The following IMMP2L variants were observed in gnomAD, a reference collection of about 807,000 sequenced individuals.
The protein encoded by IMMP2L is mitochondrial inner membrane protease subunit 2.
IMMP2L carries 18 observed loss-of-function variants against 19.3 expected under a neutral mutation model. The observed-to-expected ratio is 0.93, with a 90% CI of 0.64 to 1.38. The LOEUF (loss-of-function observed/expected upper bound fraction) is 1.38. Ranked by LOEUF, IMMP2L falls within the 40% of genes most tolerant of loss-of-function variation. The pLI is 0.00. For synonymous variants in IMMP2L, 76 were observed against 73.0 expected (o/e 1.04, Z -0.21); for missense variants, 233 against 218.2 (o/e 1.07, Z -0.43).
At position 111,513,756 on chromosome 7, in the gene IMMP2L, G is replaced by A. The variant is rs185066150; in HGVS notation, c.135+7557C>T. On this transcript the variant is annotated intron_variant, in intron 2 of 5. Transcript: ENST00000405709. The stretch of plus-strand genomic sequence containing the variant: ...AGAAAGTGTAGTCAGTGTGGGTGTG[G>A]GTTTCTGTATATATATGAGTGCGTG... 4.5e-3 allele frequency among the ~76,000 whole-genome samples: 678 copies of A among 152,002 alleles called. 5 individuals are homozygous for A. The highest frequency in any genetic ancestry group is 0.016 in the African/African-American group (657 of 41,472).
chr7:111,090,260 A>G (rs1195649987), intron 3 of IMMP2L, among the ~76,000 whole-genome samples: 2 of 152,212 alleles, frequency 1.3e-5, no homozygotes, highest in Non-Finnish European at 1.5e-5. Context: ...TGTATGGCTT[A>G]TATAGTATAT....
chr7:111,467,793 A>G (rs1458803429), intron 3 of IMMP2L, among the ~76,000 whole-genome samples: 1 of 152,152 alleles, frequency 6.6e-6, no homozygotes, highest in East Asian at 1.9e-4. Flanking sequence ...AGAAGCAAAA[A>G]TCACTTTCTC....
At chr7:110,978,232 G>A (rs780263004) in intron 3 of IMMP2L, among the ~76,000 whole-genome samples, 2 of 151,978 alleles carry the variant, frequency 1.3e-5, no homozygotes, top group Non-Finnish European at 2.9e-5. Context: ...TTTTTAGGAT[G>A]ATGGACTGTG....
chr7:110,936,873 A>T (rs1403276321), intron 4 of IMMP2L, among the ~76,000 whole-genome samples: 1 of 152,210 alleles, frequency 6.6e-6, no homozygotes, highest in Non-Finnish European at 1.5e-5. Flanking sequence ...GCAGCCATGA[A>T]AAACATGATT....
intron 3 of IMMP2L, among the ~76,000 whole-genome samples, chr7:111,437,603 G>T (rs1442581882): frequency 6.6e-6 from 1 of 151,766 alleles, no homozygotes; most frequent in Non-Finnish European, 1.5e-5. Flanking sequence ...ATTTATAAAA[G>T]ATTTTATTTT....
At chr7:111,135,334 T>A (rs1802230534) in intron 3 of IMMP2L, among the ~76,000 whole-genome samples, 1 of 152,146 alleles carries the variant, frequency 6.6e-6, no homozygotes, top group Admixed American at 6.5e-5. Context: ...TTATCCATGC[T>A]AACCTACCTT....
At chr7:111,369,115 T>A (rs1399320649) in intron 3 of IMMP2L, among the ~76,000 whole-genome samples, 1 of 151,732 alleles carries the variant, frequency 6.6e-6, no homozygotes, top group Non-Finnish European at 1.5e-5. Context: ...TTCATAGAAA[T>A]AAAATGTTAC....
chr7:110,751,245 T>C (rs1330804775), intron 5 of IMMP2L, among the ~76,000 whole-genome samples: 2 of 151,808 alleles, frequency 1.3e-5, no homozygotes, highest in Admixed American at 1.3e-4. Context: ...CATTAGTATT[T>C]ACAAAGCAAA....
intron 3 of IMMP2L, among the ~76,000 whole-genome samples, chr7:111,067,451 C>A (rs1794608177): frequency 6.6e-6 from 1 of 152,192 alleles, no homozygotes. Context: ...GAGGGAGAAC[C>A]TAGCATTTAC....
chr7:111,124,199 A>G, intron 3 of IMMP2L: 2 of 1,613,954 alleles, frequency 1.2e-6, no homozygotes, highest in Non-Finnish European at 1.7e-6. Flanking sequence ...TTCTATGTCC[A>G]TTCTGAGGGA....
Position 110,685,634 on chromosome 7 carries a change from T to C in IMMP2L, c.409-21913A>G, listed in dbSNP as rs535460872. Among the ~76,000 whole-genome samples, 4 of 152,292 alleles carry C rather than the reference T, an allele frequency of 2.6e-5. 1 individual carries two copies. Among genetic ancestry groups the C allele is most frequent in the South Asian group, 4.1e-4 (2 of 4,826 alleles). On this transcript the variant is annotated intron_variant, in intron 5 of 5. Transcript: ENST00000405709. ...ATGGTTTATTGTAAGTATAAAATGATTGCAAAATTTTGTCCCAACCAATTT... is the reference window on the plus strand; with the variant it reads ...ATGGTTTATTGTAAGTATAAAATGACTGCAAAATTTTGTCCCAACCAATTT...
intron 3 of IMMP2L, among the ~76,000 whole-genome samples, chr7:111,349,558 A>C (rs1223252755): frequency 6.6e-6 from 1 of 152,164 alleles, no homozygotes; most frequent in Non-Finnish European, 1.5e-5. Flanking sequence ...GCAAATAAAT[A>C]TTTCTTGGCT....
intron 4 of IMMP2L, among the ~76,000 whole-genome samples, chr7:110,888,520 A>G (rs750757298): frequency 6.6e-6 from 1 of 152,156 alleles, no homozygotes; most frequent in African/African-American, 2.4e-5. Flanking sequence ...GCATAAAATC[A>G]TTTCTGCAGT....
In IMMP2L at chr7:110,779,945, T is replaced by C. The variant is rs556640793; in HGVS notation, c.408+106648A>G. 1.3e-3 allele frequency among the ~76,000 whole-genome samples: 193 copies of C among 152,000 alleles called. 5 individuals carry two copies. In the South Asian group the frequency reaches 0.023, roughly 18 times the overall value. On this transcript the variant is annotated intron_variant, in intron 5 of 5. Transcript: ENST00000405709. ...ATTTAAAGAAAGAGGAAAACACACG[T>C]TGGCTATAAAAGAAATAAATGAAAT...
chr7:110,869,453 T>G (rs966313474), intron 5 of IMMP2L, among the ~76,000 whole-genome samples: 1 of 152,158 alleles, frequency 6.6e-6, no homozygotes, highest in African/African-American at 2.4e-5. Context: ...CACACATACG[T>G]GCACTTACAT....
intron 5 of IMMP2L, among the ~76,000 whole-genome samples, chr7:110,858,145 C>A (rs983922672): frequency 2.0e-5 from 3 of 151,784 alleles, no homozygotes; most frequent in African/African-American, 7.3e-5. Context: ...AACAAGAAAA[C>A]AAACTTTCAA....
chr7:111,331,438 A>G (rs1825864703), intron 3 of IMMP2L, among the ~76,000 whole-genome samples: 1 of 151,894 alleles, frequency 6.6e-6, no homozygotes, highest in African/African-American at 2.4e-5. Context: ...GAATGGGGAA[A>G]TGATAACCAA....
intron 3 of IMMP2L, among the ~76,000 whole-genome samples, chr7:110,974,284 G>C (rs963840274): frequency 6.6e-5 from 10 of 152,022 alleles, no homozygotes; most frequent in Middle Eastern, 3.4e-3. Context: ...AAGAGACATG[G>C]GCACAAACAT....
At chr7:111,557,070 A>G (rs1304598556) in intron 1 of IMMP2L, among the ~76,000 whole-genome samples, 1 of 152,116 alleles carries the variant, frequency 6.6e-6, no homozygotes, top group Non-Finnish European at 1.5e-5. Context: ...TCAAACAGTC[A>G]CAAAGACCAG....
Sources: allele counts gnomAD v4.1 joint callset (sites outside exome capture counted in the v4.1 genomes callset), GRCh38; gene constraint gnomAD v4.1.1; transcripts MANE v1.5; gene names NCBI Gene and HGNC (gene_info 2026-07-23, HGNC 2026-07-21).